The following ELN variants were observed in gnomAD, a reference collection of about 807,000 sequenced individuals.
ELN encodes elastin.
ELN carries 65 observed loss-of-function variants against 105.8 expected under a neutral mutation model. The ratio of observed to expected loss-of-function variants is 0.61; its 90% CI spans 0.50 to 0.75. ELN has a LOEUF of 0.75. Among genes scored for constraint, ELN ranks in the 30% least tolerant of loss-of-function variants. The probability of loss-of-function intolerance (pLI) is 0.00; values close to 1 mark genes in which losing one functional copy is unlikely to be tolerated. For synonymous variants in ELN, 368 were observed against 389.2 expected (o/e 0.95, Z 0.64); for missense variants, 882 against 969.4 (o/e 0.91, Z 1.20).
chr7:74,057,752 C>T, intron 22 of ELN, 56 bp downstream of exon 22: 1 of 1,597,448 alleles, frequency 6.3e-7, no homozygotes, highest in South Asian at 1.1e-5. Context: ...CTCCTGTGCC[C>T]TGCTCTGGGG....
At chr7:74,035,518 C>A in intron 2 of ELN, 104 bp downstream of exon 2, 2 of 1,377,168 alleles carry the variant, frequency 1.5e-6, no homozygotes, top group South Asian at 1.2e-5. Flanking sequence ...ATTGACACGC[C>A]TACCAGAAGT....
chr7:74,038,117 G>A (rs575703133), intron 4 of ELN: 6 of 342,504 alleles, frequency 1.8e-5, no homozygotes, highest in South Asian at 1.2e-4. Context: ...ACCCTCGGGA[G>A]CTCAGACACA....
Position 74,066,749 on chromosome 7 carries a change from G to A in ELN, c.2104G>A (p.Gly702Ser), listed in dbSNP as rs782346568. The change falls in exon 32 of 33, where the codon GGC becomes AGC. Residue 702 changes from glycine (G) to serine (S), a missense_variant. Coordinates refer to ENST00000252034, the MANE Select transcript of ELN (RefSeq NM_000501.4). ...FPLGGVAARP[G>S]FGLSPIFPGG... is the part of the protein sequence containing the mutation. Reference sequence around the variant, plus strand: ...TCCTGCAGGAGTGGCAGCAAGACCTGGCTTCGGATTGTCTCCCATTTTCCC... The same window carrying A: ...TCCTGCAGGAGTGGCAGCAAGACCTAGCTTCGGATTGTCTCCCATTTTCCC... The A allele has an allele frequency of 2.5e-6, 4 of 1,613,718 alleles. No homozygotes were observed. In the African/African-American group the frequency reaches 5.3e-5, roughly 22 times the overall value.
chr7:74,055,230 A>G (rs1794987776), intron 19 of ELN, among the ~76,000 whole-genome samples: 1 of 152,162 alleles, frequency 6.6e-6, no homozygotes, highest in African/African-American at 2.4e-5. Context: ...GCTTGAGGCC[A>G]GGAATTAGAG....
intron 1 of ELN, among the ~76,000 whole-genome samples, chr7:74,028,942 T>C (rs1456596638): frequency 6.6e-6 from 1 of 151,966 alleles, no homozygotes; most frequent in Non-Finnish European, 1.5e-5. Flanking sequence ...TGCACAGGTG[T>C]GCATGTGTTC....
rs77408001 is a variant in ELN at position 74,028,682 on chromosome 7, C to A, written c.82+413C>A. 9.2e-3 allele frequency among the ~76,000 whole-genome samples: 1,404 copies of A among 152,254 alleles called. 50 individuals carry two copies. In the East Asian group the frequency reaches 0.13, roughly 15 times the overall value. ...GCACACCAGCCCTGGGGACAGGGAA[C>A]CTGGGCTTGATACCAGCTCAACCGC... On this transcript the variant is annotated intron_variant, in intron 1 of 32. Transcript: ENST00000252034.
intron 1 of ELN, among the ~76,000 whole-genome samples, chr7:74,030,092 A>G (rs1554661338): frequency 1.3e-5 from 2 of 152,216 alleles, no homozygotes; most frequent in African/African-American, 2.4e-5. Flanking sequence ...GCAGAGATCA[A>G]TCTCAGCTCT....
intron 25 of ELN, 173 bp downstream of exon 25, chr7:74,060,674 G>A (rs569928088): frequency 1.3e-6 from 2 of 1,522,818 alleles, no homozygotes; most frequent in East Asian, 4.9e-5. Context: ...GGCAGACCAG[G>A]CCAAGGGACC....
chr7:74,057,873 G>A (rs2132151677), intron 22 of ELN, among the ~76,000 whole-genome samples, 177 bp downstream of exon 22: 1 of 152,264 alleles, frequency 6.6e-6, no homozygotes, highest in East Asian at 1.9e-4. Context: ...AGGAGTGTGG[G>A]TGATGTTTCT....
rs533696653 is a variant in ELN, at chr7:74,037,382, C to T, written c.164-325C>T. Among the ~76,000 whole-genome samples the T allele has an allele frequency of 1.2e-4, 18 of 152,012 alleles. No individual in the cohort carries two copies. The South Asian group carries it at 3.7e-3, about 32-fold the overall frequency. On this transcript the variant is annotated intron_variant, in intron 3 of 32. Coordinates refer to ENST00000252034, the MANE Select transcript of ELN (RefSeq NM_000501.4). ...CTAATTTTTGTATTTTTAGTAGAGA[C>T]AGGGTTTCACCATGTTTGCCAGGCT...
chr7:74,069,821 C>G lies in ELN; in HGVS notation c.*1121C>G, dbSNP rs1798682930. On this transcript the variant is annotated 3_prime_UTR_variant, in exon 33 of 33. Coordinates refer to ENST00000252034, the MANE Select transcript of ELN (RefSeq NM_000501.4). ...ACATTTTAATCACTCTAATATAACTCTGGATGAAACACACCTTTTTTTTTA... is the reference window on the plus strand; with the variant it reads ...ACATTTTAATCACTCTAATATAACTGTGGATGAAACACACCTTTTTTTTTA... The G allele has an allele frequency of 4.7e-6, 1 of 212,094 alleles. No homozygotes were observed. The highest frequency in any genetic ancestry group is 9.5e-6 in the Non-Finnish European group (1 of 104,874). The allele number at this position is 212,094 out of a possible 1,614,324, so 13.1% of individuals were successfully genotyped here. A position where few individuals can be genotyped will look rare whatever the true frequency, so the allele number is the denominator to read the frequency against.
rs1216552645 is a variant in ELN at position 74,067,694 on chromosome 7, C to T, written c.2131+918C>T. 3.3e-5 allele frequency among the ~76,000 whole-genome samples: 5 copies of T among 149,992 alleles called. No homozygotes were observed. The South Asian group carries it at 8.4e-4, about 25-fold the overall frequency. ...CGGAGCATGGTGTGAACCCGGGAGG[C>T]GGAGCTTGCAGTGAGCCGAGATTGC... On this transcript the variant is annotated intron_variant, in intron 32 of 32. Transcript: ENST00000252034.
intron 10 of ELN, 59 bp downstream of exon 10, chr7:74,045,352 C>G: frequency 1.3e-6 from 2 of 1,598,216 alleles, no homozygotes; most frequent in Non-Finnish European, 1.7e-6. Context: ...CCTTCTGGCC[C>G]CGGGTGTGAA....
chr7:74,058,072 C>A (rs1795720878), intron 22 of ELN, among the ~76,000 whole-genome samples: 1 of 151,370 alleles, frequency 6.6e-6, no homozygotes, highest in Non-Finnish European at 1.5e-5. Flanking sequence ...TCTTCTTCTT[C>A]TTTCTTCTCC....
Position 74,045,287 on chromosome 7 carries a change from G to T in ELN, c.535G>T (p.Ala179Ser), listed in dbSNP as rs372605445. 1.2e-6 allele frequency: 2 copies of T among 1,613,970 alleles called. No homozygotes were observed. Among genetic ancestry groups the T allele is most frequent in the African/African-American group, 1.3e-5 (1 of 74,938 alleles). Reference sequence around the variant, plus strand: ...CACTGGAGCAGGAGTTAAGCCCAAGGCTCCAGGTATGCAGCTGTCTGGACA... The same window carrying T: ...CACTGGAGCAGGAGTTAAGCCCAAGTCTCCAGGTATGCAGCTGTCTGGACA... ...VPTGAGVKPK[A>S]PGVGGAFAGI... The change falls in exon 10 of 33, where the codon GCT becomes TCT. Residue 179 changes from alanine (A) to serine (S), a missense_variant. Ala to Ser is a moderately conservative substitution (Grantham distance 99, BLOSUM62 1). Coordinates refer to ENST00000252034, the MANE Select transcript of ELN (RefSeq NM_000501.4).
intron 30 of ELN, 33 bp downstream of exon 30, chr7:74,065,765 G>T: frequency 6.2e-7 from 1 of 1,613,920 alleles, no homozygotes; most frequent in East Asian, 2.2e-5. Context: ...CCTGCCAGTG[G>T]CCTGCACCCC....
chr7:74,063,285 C>T lies in ELN; in HGVS notation c.1859-25C>T. 6.4e-7 allele frequency: 1 copy of T among 1,570,268 alleles called. No homozygotes were observed. The highest frequency in any genetic ancestry group is 8.6e-7 in the Non-Finnish European group (1 of 1,157,726). On this transcript the variant is annotated intron_variant, in intron 27 of 32. Transcript: ENST00000252034. The surrounding 1 kb of genome is among the most constrained non-coding windows in gnomAD (Gnocchi z 4.1). Reference sequence around the variant, plus strand: ...GGAATCTAACCAGTACAGAGTGCCTCCCTGAACTCGGTCTGTGTTCCCAGG... The same window carrying T: ...GGAATCTAACCAGTACAGAGTGCCTTCCTGAACTCGGTCTGTGTTCCCAGG...
intron 1 of ELN, among the ~76,000 whole-genome samples, chr7:74,029,228 T>C (rs1788115429): frequency 6.6e-6 from 1 of 152,088 alleles, no homozygotes; most frequent in African/African-American, 2.4e-5. Flanking sequence ...GTGTGCGATG[T>C]GGCACGCAAG....
At chr7:74,036,074 A>G (rs1012302880) in intron 2 of ELN, among the ~76,000 whole-genome samples, 2 of 152,054 alleles carry the variant, frequency 1.3e-5, no homozygotes, top group African/African-American at 2.4e-5. Context: ...GCGGATCACA[A>G]GGTCAGGAGA....
Sources: allele counts gnomAD v4.1 joint callset (sites outside exome capture counted in the v4.1 genomes callset), GRCh38; gene constraint gnomAD v4.1.1; non-coding constraint Gnocchi (gnomAD v3.1); transcripts MANE v1.5; gene names NCBI Gene and HGNC (gene_info 2026-07-23, HGNC 2026-07-21).